KLRG2: variants seen among roughly 807,000 people sequenced by gnomAD.
KLRG2 encodes the protein killer cell lectin like receptor G2.
In KLRG2, 39 loss-of-function variants were observed where a neutral mutation model predicts 35.4. The ratio of observed to expected loss-of-function variants is 1.10; its 90% CI spans 0.85 to 1.44. KLRG2 has a LOEUF of 1.44. Among genes scored for constraint, KLRG2 ranks in the 40% most tolerant of loss-of-function variants. The pLI is 0.00. For missense variants in KLRG2, 632 were observed against 570.9 expected (o/e 1.11, Z -1.09); for synonymous variants, 283 against 265.8 (o/e 1.06, Z -0.63).
the KLRG2 span, among the ~76,000 whole-genome samples, chr7:139,432,409 G>C: frequency 6.6e-6 from 1 of 152,150 alleles, no homozygotes; most frequent in South Asian, 2.1e-4. Context: ...GCTGTAAACT[G>C]ATTCCTCTTT....
At chr7:139,450,046 T>C (rs1008354835), downstream of KLRG2, among the ~76,000 whole-genome samples, 4 of 151,264 alleles carry the variant, frequency 2.6e-5, no homozygotes, top group Admixed American at 6.6e-5. Flanking sequence ...ATTTTTTTTG[T>C]TTGTTTTTGT....
intron 3 of KLRG2, among the ~76,000 whole-genome samples, chr7:139,463,344 A>C (rs1270600556): frequency 1.3e-5 from 2 of 152,118 alleles, no homozygotes; most frequent in Non-Finnish European, 2.9e-5. Flanking sequence ...CTCAAACCCC[A>C]CAACAAGACT....
intron 3 of KLRG2, among the ~76,000 whole-genome samples, chr7:139,475,256 G>A (rs968442078): frequency 3.3e-5 from 5 of 152,214 alleles, no homozygotes; most frequent in African/African-American, 1.2e-4. Context: ...CCCAGGCTGG[G>A]CGCGGTGGCT....
the KLRG2 span, among the ~76,000 whole-genome samples, chr7:139,445,993 G>C: frequency 9.2e-4 from 139 of 151,178 alleles, 1 homozygote; most frequent in African/African-American, 3.2e-3. Context: ...CACCACACCC[G>C]GCTAATGTTT....
At chr7:139,466,360 C>T (rs1184988357) in intron 3 of KLRG2, among the ~76,000 whole-genome samples, 2 of 152,112 alleles carry the variant, frequency 1.3e-5, no homozygotes, top group Non-Finnish European at 2.9e-5. Context: ...GCCTTCCCAC[C>T]TCTATACAGT....
chr7:139,458,708 C>T (rs1169444523), intron 3 of KLRG2, among the ~76,000 whole-genome samples: 1 of 152,216 alleles, frequency 6.6e-6, no homozygotes, highest in Non-Finnish European at 1.5e-5. Flanking sequence ...GCATCGGGCT[C>T]GAGTTCAGTG....
the KLRG2 span, among the ~76,000 whole-genome samples, chr7:139,427,987 C>T: frequency 4.6e-5 from 7 of 152,242 alleles, no homozygotes; most frequent in South Asian, 1.0e-3. Flanking sequence ...TCAGCCGACA[C>T]CTTTTTGATT....
downstream of KLRG2, among the ~76,000 whole-genome samples, chr7:139,448,070 C>T (rs1179041575): frequency 6.6e-6 from 1 of 152,156 alleles, no homozygotes; most frequent in Admixed American, 6.6e-5. Context: ...TCATGGCTCA[C>T]TGCAGCCTCA....
the KLRG2 span, among the ~76,000 whole-genome samples, chr7:139,433,728 G>A: frequency 2.0e-5 from 3 of 148,410 alleles, no homozygotes; most frequent in South Asian, 2.2e-4. Context: ...CTCCACCTCC[G>A]GGGTTCAAGT....
At chr7:139,458,460 G>C (rs943081975) in intron 3 of KLRG2, among the ~76,000 whole-genome samples, 3 of 151,974 alleles carry the variant, frequency 2.0e-5, no homozygotes, top group Non-Finnish European at 4.4e-5. Flanking sequence ...TACAGTTCAA[G>C]GGCATGAAGT....
intron 3 of KLRG2, among the ~76,000 whole-genome samples, chr7:139,470,172 C>T (rs1362887248): frequency 6.6e-6 from 1 of 151,978 alleles, no homozygotes; most frequent in African/African-American, 2.4e-5. Context: ...ATTCTCCTGC[C>T]CCAGCCTCCC....
At chr7:139,432,544 ACCC>A in the KLRG2 span, among the ~76,000 whole-genome samples, 1 of 100,820 alleles carries the variant, frequency 9.9e-6, no homozygotes, top group Non-Finnish European at 2.1e-5. Context: ...TGATTGCAGG[ACCC>A]CCCCCCCCCA....
chr7:139,445,767 G>GTATATATATATATATA, the KLRG2 span, among the ~76,000 whole-genome samples: 2 of 89,630 alleles, frequency 2.2e-5, no homozygotes, highest in African/African-American at 2.0e-4. Flanking sequence ...ATATGTGTAT[G>GTATATATATATATATA]TATATATATA....
rs1277310856 is a variant in KLRG2, at chr7:139,452,965, A to C, written c.*622T>G. 6.5e-6 allele frequency: 1 copy of C among 152,824 alleles called. No homozygotes were observed. 9.5% of individuals were successfully genotyped at this position (152,824 alleles called of 1,614,324 possible). On this transcript the variant is annotated 3_prime_UTR_variant, in exon 5 of 5. Transcript: ENST00000340940. ...GCGTGCCAGGGGCTGGCCAGCCCAC[A>C]TGCGGGATCTCCACCCAGAACCTTC...
the KLRG2 span, among the ~76,000 whole-genome samples, chr7:139,435,897 G>A: frequency 7.2e-6 from 1 of 139,724 alleles, no homozygotes; most frequent in Non-Finnish European, 1.5e-5. Flanking sequence ...TCTTATATAG[G>A]GCCTGTAATT....
chr7:139,433,338 G>GT, the KLRG2 span, among the ~76,000 whole-genome samples: 7 of 151,380 alleles, frequency 4.6e-5, no homozygotes, highest in South Asian at 2.1e-4. Flanking sequence ...TTGTTTGTTT[G>GT]TTTTTTTGGA....
chr7:139,470,440 T>G (rs1385867525), intron 3 of KLRG2, among the ~76,000 whole-genome samples: 2 of 152,108 alleles, frequency 1.3e-5, no homozygotes, highest in Non-Finnish European at 2.9e-5. Flanking sequence ...ATACAACAAA[T>G]GCAAAGCCAG....
chr7:139,479,343 A>G (rs1796912207), intron 3 of KLRG2, among the ~76,000 whole-genome samples: 1 of 152,156 alleles, frequency 6.6e-6, no homozygotes, highest in Non-Finnish European at 1.5e-5. Context: ...GGCCTCCCAG[A>G]GTGCTGGGAT....
At chr7:139,471,144 G>A (rs1043520095) in intron 3 of KLRG2, among the ~76,000 whole-genome samples, 6 of 151,852 alleles carry the variant, frequency 4.0e-5, no homozygotes, top group Non-Finnish European at 5.9e-5. Flanking sequence ...CACCGGGCCC[G>A]GACTTCCATT....
Sources: allele counts gnomAD v4.1 joint callset (sites outside exome capture counted in the v4.1 genomes callset), GRCh38; gene constraint gnomAD v4.1.1; transcripts MANE v1.5; gene names NCBI Gene and HGNC (gene_info 2026-07-23, HGNC 2026-07-21).